The following AHCY variants were observed in gnomAD, a reference collection of about 807,000 sequenced individuals.
The protein encoded by AHCY is S-adenosyl-L-homocysteine hydrolase.
A neutral mutation model predicts 45.4 loss-of-function variants in AHCY; 24 were observed. The ratio of observed to expected loss-of-function variants is 0.53; its 90% CI spans 0.38 to 0.74. The LOEUF is 0.74. Among genes scored for constraint, AHCY ranks in the 30% least tolerant of loss-of-function variants. The pLI is 0.00. For synonymous variants in AHCY, 245 were observed against 235.1 expected, an observed-to-expected ratio of 1.04 and a Z score of -0.39; for missense variants, 449 against 594.1, an observed-to-expected ratio of 0.76 and a Z score of 2.54.
the AHCY span, chr20:34,269,004 T>C: frequency 6.2e-7 from 1 of 1,607,190 alleles, no homozygotes; most frequent in Non-Finnish European, 8.5e-7. Context: ...GAGGCTTCGA[T>C]GAAGAAAGTG....
At chr20:34,260,626 G>A in the AHCY span, 5 of 1,344,788 alleles carry the variant, frequency 3.7e-6, no homozygotes, top group Non-Finnish European at 4.0e-6. Flanking sequence ...CCACCGCCAT[G>A]GTCACGGCTC....
Position 34,285,466 on chromosome 20 carries a change from C to T in AHCY, c.1141G>A (p.Val381Ile), listed in dbSNP as rs1277245330. The T allele has an allele frequency of 5.0e-6, 8 of 1,614,042 alleles. No homozygotes were observed. Among genetic ancestry groups the T allele is most frequent in the African/African-American group, 4.0e-5 (3 of 75,050 alleles). The change falls in exon 9 of 10, where the codon GTT (valine) becomes ATT (isoleucine). Residue 381 changes from valine to isoleucine, a missense_variant. Transcript: ENST00000217426. ...TTCTTGGGCAGGAAATGAACCCCAA[C>T]GGGGTACTTGTCTGGATGGGTCCAC... ...ELWTHPDKYP[V>I]GVHFLPKKLD...
chr20:34,260,551 CTGGGCT>C, the AHCY span: 52 of 1,594,076 alleles, frequency 3.3e-5, 1 homozygote, highest in African/African-American at 6.7e-4. Flanking sequence ...CACCTAGCCT[CTGGGCT>C]CTGGCCCAGG....
the AHCY span, chr20:34,262,918 T>C: frequency 6.2e-7 from 1 of 1,612,808 alleles, no homozygotes; most frequent in Non-Finnish European, 8.5e-7. Flanking sequence ...GTTCTGGGAG[T>C]TCTCATTGTT....
the AHCY span, among the ~76,000 whole-genome samples, chr20:34,261,685 C>A: frequency 6.6e-6 from 1 of 152,074 alleles, no homozygotes; most frequent in African/African-American, 2.4e-5. Context: ...GCCTATGGTT[C>A]CAGCTATTTG....
upstream of AHCY, among the ~76,000 whole-genome samples, chr20:34,304,653 T>C (rs925643494): frequency 1.3e-5 from 2 of 150,096 alleles, no homozygotes; most frequent in African/African-American, 2.5e-5. Context: ...CCGAGTGGCT[T>C]GGATTACAGG....
chr20:34,234,157 T>G, the AHCY span, among the ~76,000 whole-genome samples: 1 of 152,202 alleles, frequency 6.6e-6, no homozygotes, highest in Non-Finnish European at 1.5e-5. Flanking sequence ...TGATTCTAGT[T>G]GGTCTCATCA....
chr20:34,263,019 C>T, the AHCY span: 1 of 1,097,566 alleles, frequency 9.1e-7, no homozygotes, highest in Non-Finnish European at 1.3e-6. Flanking sequence ...ACAAAAGAAA[C>T]TGAAAGCTAC....
At chr20:34,251,275 CTT>C in the AHCY span, among the ~76,000 whole-genome samples, 3 of 146,618 alleles carry the variant, frequency 2.0e-5, no homozygotes, top group Admixed American at 6.8e-5. Context: ...CTCTGTGTAA[CTT>C]TTTTTTTTTT....
chr20:34,264,599 G>A, the AHCY span, among the ~76,000 whole-genome samples: 14 of 152,134 alleles, frequency 9.2e-5, no homozygotes, highest in Admixed American at 1.3e-4. Flanking sequence ...ACTATAGGTT[G>A]AGGTCTGAAG....
At chr20:34,244,091 C>A in the AHCY span, among the ~76,000 whole-genome samples, 1 of 152,190 alleles carries the variant, frequency 6.6e-6, no homozygotes, top group African/African-American at 2.4e-5. Context: ...CAAAAAAACT[C>A]TCATTCAAGA....
intron 1 of AHCY, chr20:34,302,929 G>A (rs1423197878): frequency 3.0e-6 from 3 of 985,332 alleles, no homozygotes; most frequent in Non-Finnish European, 3.6e-6. Context: ...GGGTCCGGCA[G>A]GTGCCAGCCG....
chr20:34,288,597 G>A (rs931599353), intron 8 of AHCY, among the ~76,000 whole-genome samples: 4 of 152,216 alleles, frequency 2.6e-5, no homozygotes, highest in Admixed American at 2.0e-4. Flanking sequence ...CTTCAGCCCA[G>A]GAGGTCAAGG....
the AHCY span, among the ~76,000 whole-genome samples, chr20:34,258,307 T>G: frequency 6.6e-6 from 1 of 151,890 alleles, no homozygotes; most frequent in East Asian, 1.9e-4. Flanking sequence ...AATAAATATT[T>G]TATGCTTTGT....
chr20:34,293,847 C>T (rs2036483229), intron 3 of AHCY: 2 of 592,568 alleles, frequency 3.4e-6, no homozygotes, highest in Non-Finnish European at 6.1e-6. Context: ...ATCATAAGAT[C>T]TTGCTCTTCC....
At chr20:34,283,514 A>C (rs2036071740) in intron 9 of AHCY, among the ~76,000 whole-genome samples, 1 of 152,208 alleles carries the variant, frequency 6.6e-6, no homozygotes, top group East Asian at 1.9e-4. Context: ...TCCTGTCCCC[A>C]AGCCACATGT....
chr20:34,268,072 T>C, the AHCY span, among the ~76,000 whole-genome samples: 5 of 152,248 alleles, frequency 3.3e-5, no homozygotes, highest in African/African-American at 1.2e-4. Flanking sequence ...AGAGGAAGAA[T>C]ATTTTTATAT....
intron 1 of AHCY, 119 bp downstream of exon 1, chr20:34,303,124 G>A: frequency 2.0e-6 from 3 of 1,503,438 alleles, no homozygotes; most frequent in Non-Finnish European, 1.8e-6. Context: ...CCAGAAACGC[G>A]CCGAGGCTGC....
downstream of AHCY, among the ~76,000 whole-genome samples, chr20:34,277,754 CAAAAAA>C (rs59920283): frequency 8.1e-4 from 32 of 39,744 alleles, no homozygotes; most frequent in African/African-American, 2.3e-3. Flanking sequence ...GACTCCATCT[CAAAAAA>C]AAAAAAAAAA....
Sources: allele counts gnomAD v4.1 joint callset (sites outside exome capture counted in the v4.1 genomes callset), GRCh38; gene constraint gnomAD v4.1.1; transcripts MANE v1.5; gene names NCBI Gene and HGNC (gene_info 2026-07-23, HGNC 2026-07-21).